VIRMA: variants seen among roughly 807,000 people sequenced by gnomAD.
VIRMA encodes the protein protein virilizer homolog.
In VIRMA, 65 loss-of-function variants were observed where a neutral mutation model predicts 182.4. The observed-to-expected ratio is 0.36, with a 90% CI of 0.29 to 0.44. The LOEUF (loss-of-function observed/expected upper bound fraction) is 0.44. Among genes scored for constraint, VIRMA ranks in the 20% least tolerant of loss-of-function variants. The pLI is 1.00. For synonymous variants in VIRMA, 709 were observed against 743.1 expected (o/e 0.95, Z 0.75); for missense variants, 1,752 against 2,158.1 (o/e 0.81, Z 3.73).
chr8:94,528,995 C>A (rs957447), intron 7 of VIRMA, 75 bp downstream of exon 7: 397,523 of 1,549,684 alleles, frequency 0.26, 56,756 homozygotes, highest in East Asian at 0.49. Flanking sequence ...GCTAGAAATT[C>A]TTTTGCATTT....
At chr8:94,533,166 G>C (rs1815227324) in intron 5 of VIRMA, among the ~76,000 whole-genome samples, 1 of 148,316 alleles carries the variant, frequency 6.7e-6, no homozygotes, top group Admixed American at 6.7e-5. Flanking sequence ...TCACGGTTTG[G>C]TTAAAAAAAA....
intron 23 of VIRMA, 130 bp from the exon 24 acceptor site, chr8:94,488,990 G>T: frequency 1.1e-6 from 1 of 886,492 alleles, no homozygotes; most frequent in Non-Finnish European, 1.7e-6. Flanking sequence ...TGCAAGCACG[G>T]TGAATGGGCC....
intron 23 of VIRMA, 53 bp downstream of exon 23, chr8:94,489,886 A>G: frequency 6.3e-7 from 1 of 1,580,574 alleles, no homozygotes; most frequent in Non-Finnish European, 8.6e-7. Context: ...ACAATTTTAA[A>G]GGAGGAATTT....
Position 94,504,425 on chromosome 8 carries a change from C to T in VIRMA, c.4097+2075G>A, listed in dbSNP as rs527443640. 2.0e-5 allele frequency among the ~76,000 whole-genome samples: 3 copies of T among 152,188 alleles called. No homozygotes were observed. In the East Asian group the frequency reaches 5.8e-4, roughly 29 times the overall value. On this transcript the variant is annotated intron_variant, in intron 16 of 23. Coordinates refer to ENST00000297591, the MANE Select transcript of VIRMA (RefSeq NM_015496.5). ...GCAATTGTTCTCCCCAGGATATTAC[C>T]ATGTTTTGTTCCTCACCTCTTTCAG... is the stretch of plus-strand genomic sequence containing the variant.
intron 23 of VIRMA, among the ~76,000 whole-genome samples, chr8:94,489,625 TCTTC>T (rs1813548757): frequency 6.6e-6 from 1 of 152,218 alleles, no homozygotes; most frequent in Non-Finnish European, 1.5e-5. Context: ...ATGTATTTTC[TCTTC>T]CTTATGATTT....
chr8:94,535,624 A>C (rs1815316155), intron 4 of VIRMA, among the ~76,000 whole-genome samples: 1 of 152,142 alleles, frequency 6.6e-6, no homozygotes, highest in Admixed American at 6.6e-5. Flanking sequence ...CTCTACTAAA[A>C]TTACAAAAAT....
intron 6 of VIRMA, 87 bp downstream of exon 6, chr8:94,530,876 G>T: frequency 6.9e-7 from 1 of 1,449,366 alleles, no homozygotes. Flanking sequence ...ACTCCACCCT[G>T]GGCAACAGAG....
chr8:94,518,388 C>A (rs916925784), intron 9 of VIRMA, among the ~76,000 whole-genome samples: 1 of 152,160 alleles, frequency 6.6e-6, no homozygotes, highest in Non-Finnish European at 1.5e-5. Context: ...TTGCTGTTTG[C>A]TTTTCATAAG....
intron 1 of VIRMA, among the ~76,000 whole-genome samples, chr8:94,552,820 T>C (rs1276298220): frequency 6.6e-6 from 1 of 152,194 alleles, no homozygotes; most frequent in Non-Finnish European, 1.5e-5. Flanking sequence ...TCTCCGTGAA[T>C]GCATCTCATT....
chr8:94,498,071 G>C (rs892616994), intron 17 of VIRMA: 3 of 152,088 alleles, frequency 2.0e-5, no homozygotes, highest in African/African-American at 7.2e-5. Context: ...AAATACACTG[G>C]CACGATCATA....
intron 7 of VIRMA, 80 bp downstream of exon 7, chr8:94,528,990 A>C: frequency 6.5e-7 from 1 of 1,550,194 alleles, no homozygotes. Context: ...TCTTTGCTAG[A>C]AATTCTTTTG....
At chr8:94,498,476 A>G (rs937834556) in intron 17 of VIRMA, 2 of 152,214 alleles carry the variant, frequency 1.3e-5, no homozygotes, top group African/African-American at 2.4e-5. Context: ...TCAATGTCAT[A>G]AATTTTTTTC....
chr8:94,496,277 A>G (rs778763826), intron 18 of VIRMA, 51 bp downstream of exon 18: 3 of 1,529,832 alleles, frequency 2.0e-6, no homozygotes, highest in Admixed American at 3.9e-5. Flanking sequence ...TGTACTAGTC[A>G]AACTGAGAGG....
At chr8:94,504,859 G>A (rs1814102384) in intron 16 of VIRMA, among the ~76,000 whole-genome samples, 2 of 152,026 alleles carry the variant, frequency 1.3e-5, no homozygotes, top group South Asian at 2.1e-4. Context: ...AGGGCTAAAA[G>A]GGAAAAAGGG....
chr8:94,489,102 CA>C (rs1212750905), intron 23 of VIRMA, among the ~76,000 whole-genome samples: 2 of 151,862 alleles, frequency 1.3e-5, no homozygotes, highest in African/African-American at 2.4e-5. Context: ...CATTTGAAAC[CA>C]AAAGCTACTT....
At chr8:94,543,753 A>T in intron 2 of VIRMA, 74 bp downstream of exon 2, 1 of 815,902 alleles carries the variant, frequency 1.2e-6, no homozygotes, top group Non-Finnish European at 2.0e-6. Flanking sequence ...ATTCCCTTAC[A>T]TTTTTGCATT....
At chr8:94,505,304 G>C (rs1814115746) in intron 16 of VIRMA, among the ~76,000 whole-genome samples, 2 of 152,136 alleles carry the variant, frequency 1.3e-5, no homozygotes, top group South Asian at 4.1e-4. Flanking sequence ...GCAAAAGTAT[G>C]TTTCCTCCTC....
At chr8:94,515,048 G>A in intron 10 of VIRMA, 97 bp from the exon 11 acceptor site, 1 of 573,992 alleles carries the variant, frequency 1.7e-6, no homozygotes, top group South Asian at 3.0e-5. Flanking sequence ...TTAGGTCCAT[G>A]TTGATTTCAA....
rs1481657220 is a variant in VIRMA, at chr8:94,490,533, G to GT, written c.5141-452dup. ...AATCCACTACTAAAGTATAATTTCT[G>GT]TAAGTATCCCTAGTTTCTAAAATCT... On this transcript the variant is annotated intron_variant, in intron 22 of 23. Coordinates refer to ENST00000297591, the MANE Select transcript of VIRMA (RefSeq NM_015496.5). Among the ~76,000 whole-genome samples, 4 of 152,114 alleles carry GT rather than the reference G, an allele frequency of 2.6e-5. No homozygotes were observed. In the South Asian group the frequency reaches 6.2e-4, roughly 24 times the overall value.
Sources: allele counts gnomAD v4.1 joint callset (sites outside exome capture counted in the v4.1 genomes callset), GRCh38; gene constraint gnomAD v4.1.1; transcripts MANE v1.5; gene names NCBI Gene and HGNC (gene_info 2026-07-23, HGNC 2026-07-21).